Variants in SMYD3 observed in about 807,000 individuals in gnomAD.
SMYD3 encodes histone-lysine N-methyltransferase SMYD3.
Under a neutral mutation model 57.7 loss-of-function variants are expected in SMYD3, and 36 were observed. The observed-to-expected ratio is 0.62, with a 90% CI of 0.48 to 0.82. The LOEUF (loss-of-function observed/expected upper bound fraction) is 0.82, where lower values mean the gene tolerates loss of function less well. SMYD3 is among the 40% of genes least tolerant of loss of function. The pLI is 0.00. For missense variants in SMYD3, 515 were observed against 538.8 expected, an observed-to-expected ratio of 0.96 and a Z score of 0.44; for synonymous variants, 211 against 195.0, an observed-to-expected ratio of 1.08 and a Z score of -0.68.
At chr1:246,319,399 A>G (rs80114668) in intron 5 of SMYD3, among the ~76,000 whole-genome samples, 3,141 of 152,292 alleles carry the variant, frequency 0.021, 84 homozygotes, top group East Asian at 0.13. Context: ...AGTGTTAAAT[A>G]TTTAATGGCA....
At chr1:246,408,157 G>A (rs915195982) in intron 1 of SMYD3, among the ~76,000 whole-genome samples, 2 of 151,974 alleles carry the variant, frequency 1.3e-5, no homozygotes, top group African/African-American at 4.8e-5. Context: ...TAGGGGTTAA[G>A]ATCACACAGC....
intron 1 of SMYD3, among the ~76,000 whole-genome samples, chr1:246,470,521 ATATAT>A (rs1214533521): frequency 6.5e-5 from 9 of 138,386 alleles, no homozygotes; most frequent in African/African-American, 2.4e-4. Context: ...AAAAAAAAAA[ATATAT>A]ATATATATAA....
intron 5 of SMYD3, among the ~76,000 whole-genome samples, chr1:246,051,983 T>C (rs193042532): frequency 9.8e-5 from 15 of 152,330 alleles, no homozygotes; most frequent in African/African-American, 2.9e-4. Flanking sequence ...TGATTCTACA[T>C]AAATCTAACT....
At chr1:246,506,919 A>G in intron 1 of SMYD3, 135 bp downstream of exon 1, 1 of 795,306 alleles carries the variant, frequency 1.3e-6, no homozygotes, top group Non-Finnish European at 1.8e-6. Context: ...CACGCGCGTC[A>G]GGGGCAGCAC....
At chr1:246,415,317 A>G (rs753837060) in intron 1 of SMYD3, among the ~76,000 whole-genome samples, 1 of 152,194 alleles carries the variant, frequency 6.6e-6, no homozygotes, top group Non-Finnish European at 1.5e-5. Context: ...GGGAAAGGCA[A>G]GTGTTGTGGG....
chr1:246,409,998 C>T (rs940149382), intron 1 of SMYD3, among the ~76,000 whole-genome samples: 7 of 151,990 alleles, frequency 4.6e-5, no homozygotes, highest in Non-Finnish European at 1.5e-5. Context: ...GGTATATATG[C>T]TTGTGATTTT....
At chr1:246,171,428 T>C (rs2062330596) in intron 5 of SMYD3, among the ~76,000 whole-genome samples, 5 of 152,182 alleles carry the variant, frequency 3.3e-5, no homozygotes. Context: ...GTGTCATCAC[T>C]GGAAAAGAGC....
chr1:245,914,730 C>T (rs1460027916), intron 8 of SMYD3, among the ~76,000 whole-genome samples: 2 of 151,910 alleles, frequency 1.3e-5, no homozygotes, highest in East Asian at 3.9e-4. Context: ...TCTCAAAACG[C>T]TAAAAGAGGA....
At chr1:246,171,018 C>A (rs1283378717) in intron 5 of SMYD3, among the ~76,000 whole-genome samples, 1 of 152,070 alleles carries the variant, frequency 6.6e-6, no homozygotes, top group Non-Finnish European at 1.5e-5. Flanking sequence ...CTACAAATTA[C>A]TACTTTCAGA....
chr1:246,466,076 A>G (rs1207785530), intron 1 of SMYD3, among the ~76,000 whole-genome samples: 1 of 152,186 alleles, frequency 6.6e-6, no homozygotes. Flanking sequence ...CTGGCCACTT[A>G]TACACTGTTG....
intron 2 of SMYD3, among the ~76,000 whole-genome samples, chr1:246,348,137 CG>C (rs1242914061): frequency 6.9e-6 from 1 of 145,690 alleles, no homozygotes; most frequent in Non-Finnish European, 1.5e-5. Context: ...GCCCTTGGGC[CG>C]GGCGCATTGG....
At chr1:246,170,692 T>C (rs2062314924) in intron 5 of SMYD3, among the ~76,000 whole-genome samples, 1 of 152,190 alleles carries the variant, frequency 6.6e-6, no homozygotes, top group South Asian at 2.1e-4. Flanking sequence ...CAAATGGCAT[T>C]TCACTATTTA....
chr1:246,383,244 AG>A (rs2148754990), intron 1 of SMYD3, among the ~76,000 whole-genome samples: 1 of 152,382 alleles, frequency 6.6e-6, no homozygotes, highest in Non-Finnish European at 1.5e-5. Flanking sequence ...TTTACACAGC[AG>A]GATCTACCAG....
intron 5 of SMYD3, among the ~76,000 whole-genome samples, chr1:246,286,879 T>G (rs2064577744): frequency 6.8e-6 from 1 of 146,646 alleles, no homozygotes; most frequent in East Asian, 2.2e-4. Flanking sequence ...TCTTTTTTTT[T>G]GTTTTTTTTT....
intron 8 of SMYD3, among the ~76,000 whole-genome samples, chr1:245,888,496 G>A (rs1442708937): frequency 3.3e-5 from 5 of 152,106 alleles, no homozygotes; most frequent in South Asian, 2.1e-4. Context: ...TTTATCAAAA[G>A]AGCACTGCCC....
intron 5 of SMYD3, among the ~76,000 whole-genome samples, chr1:246,014,140 T>C (rs994542898): frequency 2.6e-5 from 4 of 152,154 alleles, no homozygotes; most frequent in Admixed American, 1.3e-4. Context: ...CTGGCCAACA[T>C]GGCGAAACCC....
At chr1:245,759,784 A>C (rs900786816) in intron 11 of SMYD3, among the ~76,000 whole-genome samples, 5 of 152,226 alleles carry the variant, frequency 3.3e-5, no homozygotes, top group African/African-American at 1.2e-4. Context: ...TTTTTAAAAA[A>C]ATGGATGCCG....
chr1:245,777,377 A>G (rs922757134), intron 10 of SMYD3, among the ~76,000 whole-genome samples: 3 of 152,246 alleles, frequency 2.0e-5, no homozygotes, highest in Non-Finnish European at 2.9e-5. Flanking sequence ...TCAGAAATTG[A>G]TCTAAGGTAG....
intron 5 of SMYD3, among the ~76,000 whole-genome samples, chr1:246,125,742 C>G (rs1490501081): frequency 6.6e-6 from 1 of 151,940 alleles, no homozygotes; most frequent in African/African-American, 2.4e-5. Flanking sequence ...TGATGACGAT[C>G]AGAAGTGGTG....
Sources: allele counts gnomAD v4.1 joint callset (sites outside exome capture counted in the v4.1 genomes callset), GRCh38; gene constraint gnomAD v4.1.1; transcripts MANE v1.5; gene names NCBI Gene and HGNC (gene_info 2026-07-23, HGNC 2026-07-21).